INPP5D: variants seen among roughly 807,000 people sequenced by gnomAD.
INPP5D encodes inositol polyphosphate-5-phosphatase D.
INPP5D carries 33 observed loss-of-function variants against 122.9 expected under a neutral mutation model. That is an observed-to-expected ratio of 0.27 (90% CI 0.20 to 0.36). INPP5D has a LOEUF of 0.36. Ranked by LOEUF, INPP5D falls within the 10% of genes least tolerant of loss-of-function variation. The probability of loss-of-function intolerance (pLI) is 1.00; values close to 1 mark genes in which losing one functional copy is unlikely to be tolerated. For synonymous variants in INPP5D, 584 were observed against 576.2 expected (o/e 1.01, Z -0.19); for missense variants, 1,053 against 1,412.7 (o/e 0.75, Z 4.08).
In INPP5D at chr2:233,101,595, T is replaced by G. The variant is rs1036164736; in HGVS notation, c.199-20512T>G. Among the ~76,000 whole-genome samples the G allele has an allele frequency of 2.1e-5, 3 of 145,992 alleles. No individual in the cohort carries two copies. In the South Asian group the frequency reaches 6.3e-4, roughly 31 times the overall value. On this transcript the variant is annotated intron_variant, in intron 2 of 26. Transcript: ENST00000445964. Reference sequence around the variant, plus strand: ...GTCATATAACATTATTAAAATCAATTAATTATTAAATAATTATAATATATA... The same window carrying G: ...GTCATATAACATTATTAAAATCAATGAATTATTAAATAATTATAATATATA...
chr2:233,119,264 C>T (rs1214848031), intron 2 of INPP5D, among the ~76,000 whole-genome samples: 1 of 152,194 alleles, frequency 6.6e-6, no homozygotes, highest in African/African-American at 2.4e-5. Flanking sequence ...TCAACTTCAG[C>T]TTTCTTTGGT....
chr2:233,125,857 G>T lies in INPP5D; in HGVS notation c.462G>T (p.Glu154Asp). 6.2e-7 allele frequency: 1 copy of T among 1,613,800 alleles called. No individual in the cohort carries two copies. The highest frequency in any genetic ancestry group is 8.5e-7 in the Non-Finnish European group (1 of 1,179,852). The stretch of plus-strand genomic sequence containing the variant: ...CAAACGAGAATCCCCGAGCGACCGA[G>T]ACCAGCCGGCCGAGCCTCTCCGAGA... ...PFSNENPRAT[E>D]TSRPSLSETL... The change falls in exon 4 of 27, where the codon GAG (glutamate) becomes GAT (aspartate). Residue 154 changes from glutamate to aspartate, a missense_variant. Glu to Asp is a conservative substitution (Grantham distance 45). This residue lies in a region of INPP5D where 196 missense variants were observed against 175.6 expected (regional missense o/e 1.12). Coordinates refer to ENST00000445964, the MANE Select transcript of INPP5D (RefSeq NM_001017915.3).
chr2:233,069,551 G>A (rs1174709622), intron 1 of INPP5D, among the ~76,000 whole-genome samples: 1 of 151,934 alleles, frequency 6.6e-6, no homozygotes, highest in Admixed American at 6.6e-5. Context: ...TTTAGTCTGA[G>A]ATTTCTAGCA....
intron 1 of INPP5D, among the ~76,000 whole-genome samples, chr2:233,072,458 AT>A (rs1382214660): frequency 6.6e-6 from 1 of 152,092 alleles, no homozygotes; most frequent in Non-Finnish European, 1.5e-5. Flanking sequence ...GTTGAGGTTG[AT>A]TTACCTGATT....
chr2:233,066,551 T>C (rs1691232597), intron 1 of INPP5D, among the ~76,000 whole-genome samples: 1 of 152,222 alleles, frequency 6.6e-6, no homozygotes, highest in Non-Finnish European at 1.5e-5. Context: ...GGGTTATTTT[T>C]TCAAATTGAG....
intron 6 of INPP5D, 105 bp from the exon 7 acceptor site, chr2:233,146,057 C>T (rs966068716): frequency 5.3e-5 from 37 of 703,360 alleles, no homozygotes; most frequent in Middle Eastern, 2.3e-4. Flanking sequence ...TGTGGGGCTG[C>T]GGGGAGGCTG....
intron 2 of INPP5D, among the ~76,000 whole-genome samples, chr2:233,108,460 C>T (rs544805965): frequency 6.6e-6 from 1 of 152,378 alleles, no homozygotes; most frequent in East Asian, 1.9e-4. Context: ...AATTGCATCA[C>T]ATATGTGGGC....
intron 2 of INPP5D, among the ~76,000 whole-genome samples, chr2:233,087,084 G>A (rs1392026428): frequency 6.6e-6 from 1 of 152,146 alleles, no homozygotes. Context: ...ATTGCAGGAT[G>A]GTTTCGCTTC....
intron 6 of INPP5D, among the ~76,000 whole-genome samples, chr2:233,143,974 G>A: frequency 6.9e-6 from 1 of 144,034 alleles, no homozygotes; most frequent in Non-Finnish European, 1.5e-5. Flanking sequence ...GGTGGAGATG[G>A]TGGTAGTGAT....
chr2:233,184,622 A>G (rs1397975646), intron 20 of INPP5D, 101 bp downstream of exon 20: 2 of 1,483,234 alleles, frequency 1.3e-6, no homozygotes. Flanking sequence ...TCTCCCTGGA[A>G]AGGACTCACG....
In INPP5D at chr2:233,173,757, C is replaced by T. The variant is rs888545623; in HGVS notation, c.1989+2605C>T. Among the ~76,000 whole-genome samples, 4 of 152,038 alleles carry T rather than the reference C, an allele frequency of 2.6e-5. 1 individual carries two copies. The highest frequency in any genetic ancestry group is 9.7e-5 in the African/African-American group (4 of 41,382). On this transcript the variant is annotated intron_variant, in intron 17 of 26. Coordinates refer to ENST00000445964, the MANE Select transcript of INPP5D (RefSeq NM_001017915.3). ...GACCAGCCTGGCCAACATGGCAAAA[C>T]TCTTGTCTCTACTAAAAATACAAAA...
chr2:233,131,026 A>G (rs1255683039), intron 5 of INPP5D: 2 of 250,468 alleles, frequency 8.0e-6, no homozygotes, highest in Non-Finnish European at 6.3e-6. Context: ...AAAGGCATCA[A>G]AAGGAAATAA....
intron 11 of INPP5D, among the ~76,000 whole-genome samples, chr2:233,163,380 T>G (rs1408331387): frequency 1.3e-5 from 2 of 152,192 alleles, no homozygotes; most frequent in Non-Finnish European, 2.9e-5. Context: ...GAATAGGATG[T>G]GAGTTCCTTG....
In INPP5D at chr2:233,204,558, C is replaced by T. The variant is rs1695432401; in HGVS notation, c.3408C>T (p.Thr1136=). ...AAATCAACCAGCAGACCCCGCCCAC[C>T]CCGACGCCGCGGCCGCCGCTGCCAG... The part of the protein sequence containing the change: ...RSEINQQTPP[T]PTPRPPLPVK... The change falls in exon 26 of 27, where the codon ACC becomes ACT. Residue 1136 remains threonine (T), a synonymous_variant. Transcript: ENST00000445964. 12 of 1,570,622 alleles carry T rather than the reference C, an allele frequency of 7.6e-6. No individual in the cohort carries two copies. The highest frequency in any genetic ancestry group is 2.7e-5 in the African/African-American group (2 of 73,750).
At chr2:233,167,207 C>CAAAAAAAA (rs565735597) in intron 13 of INPP5D, among the ~76,000 whole-genome samples, 1 of 102,188 alleles carries the variant, frequency 9.8e-6, no homozygotes, top group Non-Finnish European at 1.9e-5. Context: ...ACCATTTCTA[C>CAAAAAAAA]AAAAAAAAAA....
intron 2 of INPP5D, among the ~76,000 whole-genome samples, chr2:233,081,536 G>A (rs1239805319): frequency 6.6e-6 from 1 of 152,154 alleles, no homozygotes; most frequent in Non-Finnish European, 1.5e-5. Context: ...TCTCCGGTTT[G>A]CCCCTCTCTG....
chr2:233,181,041 C>T (rs1446923909), intron 18 of INPP5D, among the ~76,000 whole-genome samples: 1 of 152,182 alleles, frequency 6.6e-6, no homozygotes, highest in Non-Finnish European at 1.5e-5. Flanking sequence ...GGGGTAGCCT[C>T]CTCTTTCTTT....
intron 20 of INPP5D, among the ~76,000 whole-genome samples, chr2:233,185,606 CTT>C (rs1163046811): frequency 1.3e-5 from 2 of 149,522 alleles, no homozygotes; most frequent in Admixed American, 1.4e-4. Flanking sequence ...GGGGGAATCT[CTT>C]TGATTTTCCT....
rs116538994 is a variant in INPP5D at position 233,100,634 on chromosome 2, A to C, written c.198+21236A>C. 7.2e-3 allele frequency among the ~76,000 whole-genome samples: 1,090 copies of C among 152,194 alleles called. 15 individuals are homozygous for C. The highest frequency in any genetic ancestry group is 0.025 in the African/African-American group (1,022 of 41,524). On this transcript the variant is annotated intron_variant, in intron 2 of 26. Coordinates refer to ENST00000445964, the MANE Select transcript of INPP5D (RefSeq NM_001017915.3). The surrounding 1 kb of genome is among the most constrained non-coding windows in gnomAD (Gnocchi z 5.3). Reference sequence around the variant, plus strand: ...AGAGCTCTCTCTCTTCCCTGGGATGAGGCTTGGTTCTACGGAAGCTGGGGT... The same window carrying C: ...AGAGCTCTCTCTCTTCCCTGGGATGCGGCTTGGTTCTACGGAAGCTGGGGT...
Sources: allele counts gnomAD v4.1 joint callset (sites outside exome capture counted in the v4.1 genomes callset), GRCh38; gene constraint gnomAD v4.1.1; regional missense constraint gnomAD v4.1.1; non-coding constraint Gnocchi (gnomAD v3.1); transcripts MANE v1.5; gene names NCBI Gene and HGNC (gene_info 2026-07-23, HGNC 2026-07-21).